The following JMJD1C variants were observed in gnomAD, a reference collection of about 807,000 sequenced individuals.
The protein encoded by JMJD1C is jumonji domain-containing protein 1C.
A neutral mutation model predicts 245.3 loss-of-function variants in JMJD1C; 31 were observed. The observed-to-expected ratio is 0.13, with a 90% confidence interval of 0.09 to 0.17. The LOEUF (loss-of-function observed/expected upper bound fraction) is 0.17, where lower values mean the gene tolerates loss of function less well. JMJD1C is among the 10% of genes least tolerant of loss of function. The pLI is 1.00. For synonymous variants in JMJD1C, 1,057 were observed against 1,017.4 expected (o/e 1.04, Z -0.74); for missense variants, 2,691 against 3,000.2 (o/e 0.90, Z 2.41).
At chr10:63,440,279 G>A (rs531586311) in intron 1 of JMJD1C, among the ~76,000 whole-genome samples, 6 of 151,232 alleles carry the variant, frequency 4.0e-5, no homozygotes, top group African/African-American at 1.5e-4. Context: ...AGGTTGCAGT[G>A]AGCCAAGACT....
chr10:63,481,931 T>C (rs1023601301), intron 1 of JMJD1C, among the ~76,000 whole-genome samples: 5 of 152,210 alleles, frequency 3.3e-5, no homozygotes, highest in Non-Finnish European at 7.3e-5. Context: ...ATTCCAAGTT[T>C]TTGTTCTTTT....
intron 2 of JMJD1C, among the ~76,000 whole-genome samples, chr10:63,314,484 AG>A (rs1394304072): frequency 1.3e-5 from 2 of 152,210 alleles, no homozygotes; most frequent in African/African-American, 2.4e-5. Flanking sequence ...CACCTGAGCA[AG>A]GGAAGTCGAG....
intron 1 of JMJD1C, among the ~76,000 whole-genome samples, chr10:63,515,792 T>C (rs1954999245): frequency 6.6e-6 from 1 of 152,250 alleles, no homozygotes; most frequent in Non-Finnish European, 1.5e-5. Flanking sequence ...CTTCAGAGAT[T>C]ACTTCTTAAT....
chr10:63,265,825 A>T (rs1280718956), intron 2 of JMJD1C, among the ~76,000 whole-genome samples: 5 of 152,156 alleles, frequency 3.3e-5, no homozygotes, highest in Admixed American at 6.5e-5. Context: ...CAAAACAAAG[A>T]TTTTGGCATA....
At chr10:63,317,856 T>C (rs1940294329) in intron 2 of JMJD1C, among the ~76,000 whole-genome samples, 1 of 152,148 alleles carries the variant, frequency 6.6e-6, no homozygotes, top group Non-Finnish European at 1.5e-5. Flanking sequence ...TTTTTTCTTT[T>C]CTTTTCGAGA....
intron 2 of JMJD1C, among the ~76,000 whole-genome samples, chr10:63,305,135 G>A (rs934687835): frequency 2.0e-5 from 3 of 151,940 alleles, no homozygotes; most frequent in Non-Finnish European, 2.9e-5. Context: ...TTGGGAGGCC[G>A]AGGCGGGCGG....
At chr10:63,343,211 T>C (rs1024121462) in intron 2 of JMJD1C, among the ~76,000 whole-genome samples, 1 of 151,786 alleles carries the variant, frequency 6.6e-6, no homozygotes, top group African/African-American at 2.4e-5. Context: ...AAAATTTTTT[T>C]AAAAATTGGC....
intron 1 of JMJD1C, among the ~76,000 whole-genome samples, chr10:63,390,866 G>C (rs1947996921): frequency 6.6e-6 from 1 of 152,094 alleles, no homozygotes; most frequent in Non-Finnish European, 1.5e-5. Flanking sequence ...AAGGCCACTT[G>C]TGACAAACAA....
At chr10:63,397,038 A>G (rs1226648314) in intron 1 of JMJD1C, among the ~76,000 whole-genome samples, 3 of 142,754 alleles carry the variant, frequency 2.1e-5, no homozygotes, top group Non-Finnish European at 3.2e-5. Context: ...ACATGTATAT[A>G]TTTTTTCAGT....
intron 2 of JMJD1C, among the ~76,000 whole-genome samples, chr10:63,308,316 TG>T (rs1236727046): frequency 2.0e-5 from 3 of 152,130 alleles, no homozygotes; most frequent in Non-Finnish European, 2.9e-5. Flanking sequence ...GTCTAGGAGA[TG>T]ATATCTCAAA....
At chr10:63,335,021 T>A (rs1189526078) in intron 2 of JMJD1C, among the ~76,000 whole-genome samples, 1 of 35,284 alleles carries the variant, frequency 2.8e-5, no homozygotes, top group Non-Finnish European at 6.5e-5. Flanking sequence ...ACTCTGTCTT[T>A]GGAAAAAAAT....
At chr10:63,276,107 G>A (rs1468196786) in intron 2 of JMJD1C, among the ~76,000 whole-genome samples, 1 of 152,022 alleles carries the variant, frequency 6.6e-6, no homozygotes, top group East Asian at 1.9e-4. Flanking sequence ...AAATTGGTAG[G>A]TACAAGCTCA....
intron 2 of JMJD1C, among the ~76,000 whole-genome samples, chr10:63,351,733 C>G (rs1266638773): frequency 6.6e-6 from 1 of 152,068 alleles, no homozygotes; most frequent in Non-Finnish European, 1.5e-5. Flanking sequence ...AGAAGTAAAC[C>G]TACCCTAATT....
intron 3 of JMJD1C, among the ~76,000 whole-genome samples, chr10:63,254,218 A>G (rs533504534): frequency 6.6e-6 from 1 of 152,332 alleles, no homozygotes; most frequent in East Asian, 1.9e-4. Flanking sequence ...AACAAAAAAC[A>G]GCAAAACAAA....
At chr10:63,476,738 TAGAC>T (rs1180537749) in intron 1 of JMJD1C, among the ~76,000 whole-genome samples, 1 of 151,866 alleles carries the variant, frequency 6.6e-6, no homozygotes, top group Non-Finnish European at 1.5e-5. Context: ...CTAAAATAAG[TAGAC>T]AAACAAAATT....
intron 1 of JMJD1C, among the ~76,000 whole-genome samples, chr10:63,433,590 T>TC (rs1433810704): frequency 2.6e-4 from 37 of 142,256 alleles, no homozygotes; most frequent in Middle Eastern, 3.5e-3. Flanking sequence ...TCTTTTCTTT[T>TC]TTTTTTTTTT....
At chr10:63,503,841 G>T (rs369437347) in intron 1 of JMJD1C, among the ~76,000 whole-genome samples, 5 of 152,088 alleles carry the variant, frequency 3.3e-5, no homozygotes, top group African/African-American at 4.8e-5. Flanking sequence ...AAATCTCCTG[G>T]TGACTGCTTA....
intron 2 of JMJD1C, among the ~76,000 whole-genome samples, chr10:63,311,889 A>G (rs188778395): frequency 2.3e-3 from 343 of 152,272 alleles, no homozygotes; most frequent in Non-Finnish European, 3.9e-3. Context: ...TGCACGGTAC[A>G]TAGTTAGGAA....
chr10:63,185,364 T>G lies in JMJD1C; in HGVS notation c.6830+199A>C, dbSNP rs567020924. Among the ~76,000 whole-genome samples, 24 of 152,280 alleles carry G rather than the reference T, an allele frequency of 1.6e-4. No homozygotes were observed. In the East Asian group the frequency reaches 3.9e-3, roughly 25 times the overall value. ...CCAGACTGATCTCCAAGTCTTGGAC[T>G]CCAGCGATCCCCTCGCCTTGGCCTC... On this transcript the variant is annotated intron_variant, in intron 20 of 25. Coordinates refer to ENST00000399262, the MANE Select transcript of JMJD1C (RefSeq NM_032776.3).
Sources: allele counts gnomAD v4.1 joint callset (sites outside exome capture counted in the v4.1 genomes callset), GRCh38; gene constraint gnomAD v4.1.1; transcripts MANE v1.5; gene names NCBI Gene and HGNC (gene_info 2026-07-23, HGNC 2026-07-21).